UBR4: variants seen among roughly 807,000 people sequenced by gnomAD.
UBR4 encodes ubiquitin protein ligase E3 component n-recognin 4.
In UBR4, 124 loss-of-function variants were observed where a neutral mutation model predicts 575.6. The observed-to-expected ratio is 0.22, with a 90% CI of 0.19 to 0.25. The LOEUF is 0.25. Among genes scored for constraint, UBR4 ranks in the 10% least tolerant of loss-of-function variants. The pLI, the probability that UBR4 is intolerant of heterozygous loss-of-function variation, is 1.00. For synonymous variants in UBR4, 2,455 were observed against 2,473.7 expected (o/e 0.99, Z 0.22); for missense variants, 4,818 against 6,478.8 (o/e 0.74, Z 8.80).
At chr1:19,092,749 G>T (rs1286108319) in intron 97 of UBR4, 70 bp downstream of exon 97, 1 of 1,298,368 alleles carries the variant, frequency 7.7e-7, no homozygotes, top group Non-Finnish European at 1.1e-6. Context: ...GGTAAGTCAT[G>T]TCTCAAGGTA....
At position 19,096,913 on chromosome 1, in the gene UBR4, G is replaced by T. The variant is rs72651014; in HGVS notation, c.13391-263C>A. ...TGAGCACCAATACCATCAATGGAGT[G>T]GGGGGAGAGGGAGTTAAAAATAAAT... On this transcript the variant is annotated intron_variant, in intron 91 of 105. Transcript: ENST00000375254. Among the ~76,000 whole-genome samples, 1,330 of 152,084 alleles carry T rather than the reference G, an allele frequency of 8.7e-3. 14 individuals are homozygous for T. Among genetic ancestry groups the T allele is most frequent in the Admixed American group, 0.024 (368 of 15,292 alleles).
intron 39 of UBR4, 49 bp from the exon 40 acceptor site, chr1:19,158,046 A>G: frequency 6.3e-7 from 1 of 1,574,822 alleles, no homozygotes; most frequent in African/African-American, 1.3e-5. Context: ...GGCAAATAAA[A>G]TCAAGTGGAT....
In UBR4 at chr1:19,164,289, T is replaced by C; in HGVS notation, c.4664A>G (p.Gln1555Arg). The stretch of plus-strand genomic sequence containing the variant: ...CCAATCCACAGCAGCATTATGAAGC[T>C]GAAGGTGACCAGCACCTTGACCTGC... ...ASAGQGAGHL[Q>R]LHNAAVDWLS... The change falls in exon 33 of 106, where the codon CAG becomes CGG. Residue 1555 changes from glutamine (Q) to arginine (R), a missense_variant. Transcript: ENST00000375254. The C allele has an allele frequency of 6.2e-7, 1 of 1,614,180 alleles. No homozygotes were observed. Among genetic ancestry groups the C allele is most frequent in the Non-Finnish European group, 8.5e-7 (1 of 1,179,990 alleles).
In UBR4 at chr1:19,131,799, G is replaced by T. The variant is rs189021061; in HGVS notation, c.8907-2725C>A. 3.2e-3 allele frequency among the ~76,000 whole-genome samples: 484 copies of T among 152,298 alleles called. 1 individual carries two copies. Among genetic ancestry groups the T allele is most frequent in the African/African-American group, 0.011 (469 of 41,558 alleles). ...GAGGCAGGAGAATCGCTTGAACCCGGGCGGCAGAGGTTGTAGTGAGCCAAG... is the reference window on the plus strand; with the variant it reads ...GAGGCAGGAGAATCGCTTGAACCCGTGCGGCAGAGGTTGTAGTGAGCCAAG... On this transcript the variant is annotated intron_variant, in intron 60 of 105. Transcript: ENST00000375254.
rs138176260 is a variant in UBR4, at chr1:19,081,483, G to A, written c.15099C>T (p.Asp5033=). Residue 5033 remains aspartate, a synonymous_variant, in exon 103 of 106, where the codon GAC becomes GAT. Transcript: ENST00000375254. The part of the protein sequence containing the change: ...EKWVESAFEV[D]GPYYFTVLAL... ...CCAAGACTGTGAAATAGTAGGGCCC[G>A]TCCACTTCAAAGGCACTCTCCACCC... is the stretch of plus-strand genomic sequence containing the variant. 3.6e-4 allele frequency: 583 copies of A among 1,613,878 alleles called. No homozygotes were observed. The highest frequency in any genetic ancestry group is 2.9e-4 in the Non-Finnish European group (345 of 1,180,004).
At chr1:19,115,747 G>C in intron 73 of UBR4, 110 bp from the exon 74 acceptor site, 3 of 1,487,674 alleles carry the variant, frequency 2.0e-6, no homozygotes, top group Non-Finnish European at 2.7e-6. Context: ...CAATTAAGTG[G>C]TTACTCTAAG....
Position 19,197,261 on chromosome 1 carries a change from G to A in UBR4, c.898C>T (p.His300Tyr). 1 of 1,614,124 alleles carries A rather than the reference G, an allele frequency of 6.2e-7. No homozygotes were observed. Among genetic ancestry groups the A allele is most frequent in the Non-Finnish European group, 8.5e-7 (1 of 1,179,990 alleles). ...ATAGTTACATCAATCACCAATGAAT[G>A]AAAGCTGGAACATGACAGAGATCAA... Reference protein sequence around the residue: ...ADATAVRNGFHSLVIDVTMAL... With the variant: ...ADATAVRNGFYSLVIDVTMAL... Residue 300 changes from histidine to tyrosine, a missense_variant, in exon 8 of 106, where the codon CAT (histidine) becomes TAT (tyrosine). This residue lies in a region of UBR4 where 131 missense variants were observed against 214.5 expected (regional missense o/e 0.61). Coordinates refer to ENST00000375254, the MANE Select transcript of UBR4 (RefSeq NM_020765.3).
intron 5 of UBR4, 150 bp from the exon 6 acceptor site, chr1:19,198,199 A>G: frequency 4.9e-6 from 4 of 816,518 alleles, no homozygotes; most frequent in Non-Finnish European, 7.6e-6. Flanking sequence ...TACAGGTTAC[A>G]TTTTCAGGAG....
rs774613053 is a variant in UBR4 at position 19,115,630 on chromosome 1, G to A, written c.10831C>T (p.Arg3611Cys). The A allele has an allele frequency of 4.3e-6, 7 of 1,614,102 alleles. No individual in the cohort carries two copies. The highest frequency in any genetic ancestry group is 1.7e-5 in the Admixed American group (1 of 60,032). The stretch of plus-strand genomic sequence containing the variant: ...TGAACCTTCTTGGCTTTGTGCCAGC[G>A]AGCTGGCCTAGGAAAGACAGACAGC... ...AIVELKNKPA[R>C]WHKAKKVQLT... is the part of the protein sequence containing the mutation. The change falls in exon 74 of 106, where the codon CGC (arginine) becomes TGC (cysteine). Residue 3611 changes from arginine (R) to cysteine (C), a missense_variant. Around this residue, in one of 29 missense-constraint regions of UBR4, gnomAD observed 550 missense variants for 791.5 expected, o/e 0.69. Transcript: ENST00000375254.
chr1:19,155,807 AC>A (rs2086361939), intron 42 of UBR4, 139 bp from the exon 43 acceptor site: 1 of 700,274 alleles, frequency 1.4e-6, no homozygotes, highest in Admixed American at 2.6e-5. Flanking sequence ...AGTGTTAGGC[AC>A]TGGTCTTATA....
chr1:19,196,728 T>G (rs970526381), intron 8 of UBR4, among the ~76,000 whole-genome samples: 1 of 152,252 alleles, frequency 6.6e-6, no homozygotes, highest in African/African-American at 2.4e-5. Context: ...CTCTTCTCTG[T>G]GTACCGAAAA....
chr1:19,172,201 A>C (rs1031183385), intron 25 of UBR4, among the ~76,000 whole-genome samples: 1 of 151,816 alleles, frequency 6.6e-6, no homozygotes, highest in African/African-American at 2.4e-5. Flanking sequence ...TTTTTTCTCC[A>C]ACTACATATC....
Position 19,161,165 on chromosome 1 carries a change from CAG to C in UBR4, c.5176-20_5176-19del, listed in dbSNP as rs1442967044. The stretch of plus-strand genomic sequence containing the variant: ...ACCAGAGCCTAGGGACAGAAAATGT[CAG>C]AGTCCCTAAGTTCTTGCCTCAAGCA... On this transcript the variant is annotated intron_variant, in intron 37 of 105. Coordinates refer to ENST00000375254, the MANE Select transcript of UBR4 (RefSeq NM_020765.3). The C allele has an allele frequency of 1.2e-6, 2 of 1,609,088 alleles. No homozygotes were observed. The highest frequency in any genetic ancestry group is 1.3e-5 in the African/African-American group (1 of 74,816).
chr1:19,092,784 C>T (rs2077652591), intron 97 of UBR4, 35 bp downstream of exon 97: 1 of 1,556,982 alleles, frequency 6.4e-7, no homozygotes, highest in South Asian at 1.2e-5. Flanking sequence ...TACTTGTACC[C>T]CTGTACCCTC....
Position 19,129,005 on chromosome 1 carries a change from G to A in UBR4, c.8976C>T (p.Gly2992=), listed in dbSNP as rs756560482. 9.0e-5 allele frequency: 146 copies of A among 1,613,922 alleles called. No individual in the cohort carries two copies. Among genetic ancestry groups the A allele is most frequent in the Middle Eastern group, 1.6e-4 (1 of 6,084 alleles). The change falls in exon 61 of 106, where the codon GGC becomes GGT. Residue 2992 remains glycine, a synonymous_variant. Transcript: ENST00000375254. ...GCATGTATGGGATGGCCCGGACACCGCCAACGTTTCGTAATTGAGGCAGGG... is the reference window on the plus strand; with the variant it reads ...GCATGTATGGGATGGCCCGGACACCACCAACGTTTCGTAATTGAGGCAGGG... ...LQTLPQLRNV[G]GVRAIPYMQV...
In UBR4 at chr1:19,184,155, G is replaced by A; in HGVS notation, c.1959C>T (p.Asn653=). 6.2e-7 allele frequency: 1 copy of A among 1,614,140 alleles called. No homozygotes were observed. Among genetic ancestry groups the A allele is most frequent in the Non-Finnish European group, 8.5e-7 (1 of 1,180,000 alleles). The change falls in exon 16 of 106, where the codon AAC becomes AAT. Residue 653 remains asparagine (N), a synonymous_variant. Transcript: ENST00000375254. ...TGGAAGAGGTGATGAAGTTCAAAATGTTGGAAGCCAGACCTAAGAACTGAA... is the reference window on the plus strand; with the variant it reads ...TGGAAGAGGTGATGAAGTTCAAAATATTGGAAGCCAGACCTAAGAACTGAA... The part of the protein sequence containing the change: ...DPELFLGLAS[N]ILNFITSSML...
At chr1:19,146,704 G>A in intron 52 of UBR4, 122 bp downstream of exon 52, 1 of 1,372,330 alleles carries the variant, frequency 7.3e-7, no homozygotes, top group African/African-American at 1.5e-5. Context: ...TAAAGACCAG[G>A]AAGCAAAATC....
chr1:19,185,194 G>A lies in UBR4; in HGVS notation c.1843C>T (p.Pro615Ser). 1 of 1,614,146 alleles carries A rather than the reference G, an allele frequency of 6.2e-7. No individual in the cohort carries two copies. Among genetic ancestry groups the A allele is most frequent in the African/African-American group, 1.3e-5 (1 of 75,034 alleles). Residue 615 changes from proline to serine, a missense_variant, in exon 15 of 106, where the codon CCT (proline) becomes TCT (serine). Pro to Ser is a moderately conservative substitution (Grantham distance 74). This residue lies in a region of UBR4 where 1,172 missense variants were observed against 1,259.7 expected (regional missense o/e 0.93). Coordinates refer to ENST00000375254, the MANE Select transcript of UBR4 (RefSeq NM_020765.3). ...KAAPPPPPPP[P>S]PLESSPRVKS... Reference sequence around the variant, plus strand: ...ACCCGAGGAGAGCTTTCCAGTGGAGGAGGTGGGGGAGGAGGCGGAGGTGCT... The same window carrying A: ...ACCCGAGGAGAGCTTTCCAGTGGAGAAGGTGGGGGAGGAGGCGGAGGTGCT...
intron 66 of UBR4, 58 bp from the exon 67 acceptor site, chr1:19,122,070 A>G: frequency 6.4e-7 from 1 of 1,553,334 alleles, no homozygotes; most frequent in Non-Finnish European, 8.9e-7. Flanking sequence ...CCAGACAAGC[A>G]CCACACCTGC....
Sources: allele counts gnomAD v4.1 joint callset (sites outside exome capture counted in the v4.1 genomes callset), GRCh38; gene constraint gnomAD v4.1.1; regional missense constraint gnomAD v4.1.1; transcripts MANE v1.5; gene names NCBI Gene and HGNC (gene_info 2026-07-23, HGNC 2026-07-21).